SRGAP3: variants seen among roughly 807,000 people sequenced by gnomAD.
The protein encoded by SRGAP3 is SLIT-ROBO Rho GTPase-activating protein 3.
Under a neutral mutation model 121.1 loss-of-function variants are expected in SRGAP3, and 39 were observed. That is an observed-to-expected ratio of 0.32 (90% CI 0.25 to 0.42). The LOEUF (loss-of-function observed/expected upper bound fraction) is 0.42. SRGAP3 is among the 10% of genes least tolerant of loss of function. SRGAP3 has a pLI of 1.00. For missense variants in SRGAP3, 1,213 were observed against 1,470.6 expected (o/e 0.82, Z 2.86); for synonymous variants, 601 against 570.0 (o/e 1.05, Z -0.77).
chr3:9,106,466 C>T (rs1473871673), intron 2 of SRGAP3, among the ~76,000 whole-genome samples: 1 of 152,184 alleles, frequency 6.6e-6, no homozygotes, highest in Non-Finnish European at 1.5e-5. Flanking sequence ...GAAAACACAG[C>T]CTCCCACTAT....
intron 3 of SRGAP3, among the ~76,000 whole-genome samples, chr3:9,088,796 T>C (rs1445722172): frequency 6.6e-6 from 1 of 152,172 alleles, no homozygotes; most frequent in African/African-American, 2.4e-5. Flanking sequence ...GTCCTGATTT[T>C]CAGCGTCTCT....
Position 9,218,986 on chromosome 3 carries a change from CTTATTT to C in SRGAP3, c.67+29893_67+29898del, listed in dbSNP as rs1952718570. On this transcript the variant is annotated intron_variant, in intron 1 of 21. Transcript: ENST00000383836. This position sits in a 1 kb window ranked among gnomAD's most constrained non-coding sequence, Gnocchi z 5.3. Reference sequence around the variant, plus strand: ...CTGCGCCCAGCCTATTTTATCTTATCTTATTTTATTTTTATTTTATTTTATTTAAAT... The same window carrying C: ...CTGCGCCCAGCCTATTTTATCTTATCTATTTTTATTTTATTTTATTTAAAT... 6.6e-6 allele frequency among the ~76,000 whole-genome samples: 1 copy of C among 152,000 alleles called. No individual in the cohort carries two copies. Among genetic ancestry groups the C allele is most frequent in the South Asian group, 2.1e-4 (1 of 4,818 alleles).
chr3:9,091,014 G>A (rs947663694), intron 3 of SRGAP3, among the ~76,000 whole-genome samples: 6 of 146,842 alleles, frequency 4.1e-5, no homozygotes, highest in South Asian at 2.2e-4. Context: ...CAGAGCTAAT[G>A]TCATTCTCTA....
chr3:9,141,370 C>T (rs897860377), intron 1 of SRGAP3, among the ~76,000 whole-genome samples: 2 of 152,192 alleles, frequency 1.3e-5, no homozygotes, highest in Non-Finnish European at 2.9e-5. Flanking sequence ...CCATGCCGCC[C>T]AAATATTTTA....
chr3:9,248,801 A>AC, intron 1 of SRGAP3, 84 bp downstream of exon 1: 2 of 1,382,304 alleles, frequency 1.4e-6, no homozygotes, highest in Non-Finnish European at 2.1e-6. Context: ...AGAGAGGAAA[A>AC]CGGGGGGCAG....
Position 9,345,973 on chromosome 3 carries a change from T to C in SRGAP3, n.215-15377A>G, listed in dbSNP as rs142752819. On this transcript the variant is annotated intron_variant and non_coding_transcript_variant, in intron 1 of 3. Coordinates refer to the SRGAP3 transcript ENST00000490889. Reference sequence around the variant, plus strand: ...CAAGTTCTTTAATTCTTACAGCAAATGCCAGCCCAAGGACTTTCATTTTTA... The same window carrying C: ...CAAGTTCTTTAATTCTTACAGCAAACGCCAGCCCAAGGACTTTCATTTTTA... 4.1e-4 allele frequency among the ~76,000 whole-genome samples: 63 copies of C among 152,228 alleles called. 1 individual carries two copies. In the East Asian group the frequency reaches 0.011, roughly 27 times the overall value.
intron 17 of SRGAP3, among the ~76,000 whole-genome samples, chr3:9,012,318 A>G (rs1943416338): frequency 6.6e-6 from 1 of 152,228 alleles, no homozygotes; most frequent in Admixed American, 6.5e-5. Flanking sequence ...TGTGGGTAAT[A>G]CCTAAATATA....
At chr3:9,067,639 C>T (rs1487864905) in intron 4 of SRGAP3, among the ~76,000 whole-genome samples, 2 of 152,086 alleles carry the variant, frequency 1.3e-5, no homozygotes, top group African/African-American at 4.8e-5. Context: ...GACACTGGGG[C>T]CTGTCAGGGG....
chr3:9,099,349 G>T (rs777211077), intron 3 of SRGAP3, among the ~76,000 whole-genome samples: 3 of 152,142 alleles, frequency 2.0e-5, no homozygotes, highest in African/African-American at 7.2e-5. Context: ...CATCACGGCC[G>T]GGGCAAGTAA....
chr3:9,251,633 A>C (rs1043532751), upstream of SRGAP3, among the ~76,000 whole-genome samples: 1 of 152,224 alleles, frequency 6.6e-6, no homozygotes, highest in African/African-American at 2.4e-5. Flanking sequence ...AGTAAATGTC[A>C]GCTATTTTCA....
At chr3:9,230,136 C>G (rs1456289087) in intron 1 of SRGAP3, among the ~76,000 whole-genome samples, 1 of 152,194 alleles carries the variant, frequency 6.6e-6, no homozygotes, top group Non-Finnish European at 1.5e-5. Flanking sequence ...TGACTGAGTG[C>G]CAGGCACTGT....
chr3:9,281,542 TTTATTA>T (rs35128183), intron 3 of SRGAP3, among the ~76,000 whole-genome samples: 2 of 151,646 alleles, frequency 1.3e-5, no homozygotes, highest in East Asian at 3.9e-4. Flanking sequence ...TGTACTTACT[TTTATTA>T]TTATTATTAT....
intron 3 of SRGAP3, among the ~76,000 whole-genome samples, chr3:9,104,439 G>T (rs1948336691): frequency 6.6e-6 from 1 of 152,120 alleles, no homozygotes; most frequent in Admixed American, 6.5e-5. Context: ...CCATGCAAAG[G>T]TTTTCATTTT....
chr3:9,303,433 A>G (rs960414243), intron 3 of SRGAP3, among the ~76,000 whole-genome samples: 5 of 152,080 alleles, frequency 3.3e-5, no homozygotes, highest in Non-Finnish European at 5.9e-5. Flanking sequence ...TCAAAAAAAA[A>G]AAAAAAAGAA....
At chr3:9,317,481 T>C (rs893340586) in intron 3 of SRGAP3, among the ~76,000 whole-genome samples, 4 of 152,258 alleles carry the variant, frequency 2.6e-5, no homozygotes, top group Non-Finnish European at 4.4e-5. Flanking sequence ...GAAACTGGGA[T>C]AGCTATGCCA....
chr3:9,211,058 T>C (rs1024985031), intron 1 of SRGAP3, among the ~76,000 whole-genome samples: 1 of 152,220 alleles, frequency 6.6e-6, no homozygotes, highest in Non-Finnish European at 1.5e-5. Context: ...ACTTTCTTTG[T>C]GGTTCCCTTC....
chr3:9,235,937 T>A (rs1409221508), intron 1 of SRGAP3: 1 of 154,338 alleles, frequency 6.5e-6, no homozygotes, highest in African/African-American at 2.4e-5. Flanking sequence ...ACGGTAAACT[T>A]TGTGTTTGTG....
chr3:9,323,109 A>G (rs1305650078), intron 3 of SRGAP3, among the ~76,000 whole-genome samples: 1 of 151,868 alleles, frequency 6.6e-6, no homozygotes, highest in East Asian at 1.9e-4. Context: ...CCAAAATATG[A>G]CATTCTTGGA....
At chr3:9,020,860 A>G (rs6443218) in intron 14 of SRGAP3, among the ~76,000 whole-genome samples, 45,628 of 152,130 alleles carry the variant, frequency 0.3, 7,508 homozygotes, top group African/African-American at 0.44. Flanking sequence ...GTTCACACTT[A>G]GCTAGCTAAT....
Sources: gnomAD v4.1 joint callset for allele counts (sites outside exome capture counted in the v4.1 genomes callset) on GRCh38, gnomAD v4.1.1 for gene constraint, Gnocchi (gnomAD v3.1) non-coding constraint, MANE v1.5 for transcripts, NCBI Gene and HGNC (gene_info 2026-07-23, HGNC 2026-07-21) for gene names.